Variants in DCC observed in about 807,000 individuals in gnomAD.
DCC encodes the protein netrin receptor DCC.
Under a neutral mutation model 172.5 loss-of-function variants are expected in DCC, and 58 were observed. That is an observed-to-expected ratio of 0.34 (90% CI 0.27 to 0.42). The LOEUF (loss-of-function observed/expected upper bound fraction) is 0.42, where lower values mean the gene tolerates loss of function less well. DCC is among the 10% of genes least tolerant of loss of function. DCC has a pLI of 1.00. For missense variants in DCC, 1,740 were observed against 1,791.0 expected, an observed-to-expected ratio of 0.97 and a Z score of 0.51; for synonymous variants, 709 against 644.5, an observed-to-expected ratio of 1.10 and a Z score of -1.52.
chr18:52,385,920 A>G (rs768809534), intron 1 of DCC, among the ~76,000 whole-genome samples: 9 of 152,076 alleles, frequency 5.9e-5, no homozygotes, highest in Non-Finnish European at 1.0e-4. Flanking sequence ...AGTAGAAAAT[A>G]ATATTTGTTT....
At chr18:52,590,158 GGTGTGTGT>G (rs4041438) in intron 1 of DCC, among the ~76,000 whole-genome samples, 29 of 149,044 alleles carry the variant, frequency 1.9e-4, no homozygotes, top group Non-Finnish European at 3.3e-4. Context: ...TGGTATAAAT[GGTGTGTGT>G]GTGTGTGTGT....
chr18:53,520,898 A>G (rs900849825), intron 27 of DCC, among the ~76,000 whole-genome samples: 13 of 152,056 alleles, frequency 8.5e-5, no homozygotes, highest in African/African-American at 2.7e-4. Context: ...AAGGAAAGAA[A>G]AATATTAAGT....
chr18:53,514,640 A>G (rs1167689432), intron 27 of DCC, among the ~76,000 whole-genome samples: 3 of 152,230 alleles, frequency 2.0e-5, no homozygotes, highest in Admixed American at 2.0e-4. Context: ...CCACAGAAAT[A>G]CAAACTACCA....
At chr18:52,426,812 A>C (rs1242868910) in intron 1 of DCC, among the ~76,000 whole-genome samples, 1 of 152,112 alleles carries the variant, frequency 6.6e-6, no homozygotes, top group African/African-American at 2.4e-5. Flanking sequence ...TTATCAGAGA[A>C]ATTGAATTTG....
At chr18:52,382,470 T>C (rs1985626445) in intron 1 of DCC, among the ~76,000 whole-genome samples, 1 of 152,132 alleles carries the variant, frequency 6.6e-6, no homozygotes, top group Admixed American at 6.6e-5. Flanking sequence ...TTCCATTTTA[T>C]AGAGAACATT....
chr18:53,055,029 C>T (rs991749438), intron 5 of DCC, among the ~76,000 whole-genome samples: 2 of 152,062 alleles, frequency 1.3e-5, no homozygotes, highest in African/African-American at 2.4e-5. Context: ...TTTTCCAAAG[C>T]GATTACTCAT....
chr18:53,354,198 T>C (rs1046096914), intron 15 of DCC, among the ~76,000 whole-genome samples: 1 of 152,236 alleles, frequency 6.6e-6, no homozygotes, highest in Non-Finnish European at 1.5e-5. Context: ...GTCTTTGCTA[T>C]TGTGAATAGT....
At chr18:52,773,492 A>ATATATCTC (rs76969464) in intron 2 of DCC, among the ~76,000 whole-genome samples, 16,359 of 141,536 alleles carry the variant, frequency 0.12, 1,039 homozygotes, top group Middle Eastern at 0.23. Context: ...CCCCCCAAAT[A>ATATATCTC]TATATCTCTA....
intron 12 of DCC, among the ~76,000 whole-genome samples, chr18:53,248,631 C>T (rs2056393613): frequency 1.3e-5 from 2 of 152,024 alleles, no homozygotes; most frequent in African/African-American, 4.8e-5. Context: ...TCCCCTGCCA[C>T]ACCTCTGCAA....
intron 21 of DCC, among the ~76,000 whole-genome samples, chr18:53,427,402 T>G (rs1176178588): frequency 6.6e-6 from 1 of 152,160 alleles, no homozygotes; most frequent in Admixed American, 6.6e-5. Context: ...GCCATCTTTA[T>G]GTTTTATTCT....
chr18:53,137,258 CATCA>C, intron 7 of DCC, among the ~76,000 whole-genome samples: 2 of 152,332 alleles, frequency 1.3e-5, no homozygotes, highest in Middle Eastern at 3.4e-3. Context: ...GTTGAGGTCT[CATCA>C]GAGGCTTGAC....
At chr18:53,118,796 T>G (rs1473562386) in intron 7 of DCC, among the ~76,000 whole-genome samples, 1 of 151,782 alleles carries the variant, frequency 6.6e-6, no homozygotes, top group Admixed American at 6.6e-5. Context: ...AAATTAGAAC[T>G]TAGGTCTATC....
intron 9 of DCC, among the ~76,000 whole-genome samples, chr18:53,191,368 CTTGA>C: frequency 6.6e-6 from 1 of 152,096 alleles, no homozygotes; most frequent in African/African-American, 2.4e-5. Flanking sequence ...AATTAAACAG[CTTGA>C]TTAATTTTTA....
chr18:53,029,875 A>G (rs2143953723), intron 5 of DCC, among the ~76,000 whole-genome samples: 1 of 151,852 alleles, frequency 6.6e-6, no homozygotes, highest in East Asian at 1.9e-4. Flanking sequence ...AAGATAGTTG[A>G]CTCGATTGTT....
At chr18:52,652,336 G>A (rs1261787140) in intron 1 of DCC, among the ~76,000 whole-genome samples, 5 of 152,104 alleles carry the variant, frequency 3.3e-5, no homozygotes, top group Admixed American at 1.3e-4. Context: ...TATACCTCTC[G>A]TCTCCCTCCA....
At chr18:53,312,171 A>G (rs1242817196) in intron 13 of DCC, among the ~76,000 whole-genome samples, 2 of 35,710 alleles carry the variant, frequency 5.6e-5, no homozygotes, top group African/African-American at 1.4e-4. Flanking sequence ...AAAAAAAAAA[A>G]AAAAAAGAAA....
rs79388219 is a variant in DCC, at chr18:53,184,356, G to A, written c.1573+5240G>A. On this transcript the variant is annotated intron_variant, in intron 9 of 28. Coordinates refer to ENST00000442544, the MANE Select transcript of DCC (RefSeq NM_005215.4). Reference sequence around the variant, plus strand: ...TAAAGCCATGTGTCACTTAAGGAAGGAAATACATTCCAAGAAATGCATCAT... The same window carrying A: ...TAAAGCCATGTGTCACTTAAGGAAGAAAATACATTCCAAGAAATGCATCAT... 5.6e-3 allele frequency among the ~76,000 whole-genome samples: 854 copies of A among 152,070 alleles called. 6 individuals carry two copies. The highest frequency in any genetic ancestry group is 0.023 in the Admixed American group (350 of 15,276).
At chr18:53,173,687 G>C (rs1034526157) in intron 8 of DCC, among the ~76,000 whole-genome samples, 3 of 151,124 alleles carry the variant, frequency 2.0e-5, no homozygotes, top group Non-Finnish European at 2.9e-5. Flanking sequence ...AGCAAGTCCT[G>C]AGTGACCTAC....
chr18:52,817,421 G>A (rs1174054601), intron 2 of DCC, among the ~76,000 whole-genome samples: 1 of 152,066 alleles, frequency 6.6e-6, no homozygotes, highest in Non-Finnish European at 1.5e-5. Context: ...CATCTTTATA[G>A]AAAATGCTAA....
Sources: allele counts gnomAD v4.1 joint callset (sites outside exome capture counted in the v4.1 genomes callset), GRCh38; gene constraint gnomAD v4.1.1; transcripts MANE v1.5; gene names NCBI Gene and HGNC (gene_info 2026-07-23, HGNC 2026-07-21).